The following FAM151B variants were observed in gnomAD, a reference collection of about 807,000 sequenced individuals.
FAM151B encodes the protein protein FAM151B.
FAM151B carries 24 observed loss-of-function variants against 31.2 expected under a neutral mutation model. The observed-to-expected ratio is 0.77, with a 90% CI of 0.56 to 1.08. The LOEUF (loss-of-function observed/expected upper bound fraction) is 1.08. Among genes scored for constraint, FAM151B ranks in the 50% least tolerant of loss-of-function variants. The probability of loss-of-function intolerance (pLI) is 0.00; values close to 1 mark genes in which losing one functional copy is unlikely to be tolerated. For synonymous variants in FAM151B, 105 were observed against 111.4 expected (o/e 0.94, Z 0.36); for missense variants, 293 against 328.6 (o/e 0.89, Z 0.84).
At chr5:80,531,144 C>T (rs1350921977) in intron 5 of FAM151B, among the ~76,000 whole-genome samples, 1 of 152,086 alleles carries the variant, frequency 6.6e-6, no homozygotes, top group Non-Finnish European at 1.5e-5. Flanking sequence ...GGAAAGGATT[C>T]CCTATTTAAT....
chr5:80,517,538 AG>A (rs1744510030), intron 3 of FAM151B, among the ~76,000 whole-genome samples: 3 of 149,678 alleles, frequency 2.0e-5, no homozygotes, highest in African/African-American at 7.5e-5. Context: ...TTCTTTAGTG[AG>A]GTTTTAAATT....
chr5:80,500,188 A>AT, intron 1 of FAM151B: 2 of 485,726 alleles, frequency 4.1e-6, no homozygotes, highest in Admixed American at 3.8e-5. Context: ...TATATGTGGA[A>AT]TAAAAAAAAA....
chr5:80,497,321 A>G (rs1743583389), intron 1 of FAM151B, among the ~76,000 whole-genome samples: 1 of 151,834 alleles, frequency 6.6e-6, no homozygotes, highest in East Asian at 2.0e-4. Flanking sequence ...AGGCTGAAGC[A>G]TAAGAATTGC....
At chr5:80,540,124 TACA>T (rs1745811745) in intron 5 of FAM151B, among the ~76,000 whole-genome samples, 1 of 152,120 alleles carries the variant, frequency 6.6e-6, no homozygotes, top group Non-Finnish European at 1.5e-5. Flanking sequence ...TACCAACCAT[TACA>T]ACAATACCCT....
intron 5 of FAM151B, among the ~76,000 whole-genome samples, chr5:80,532,058 TA>T (rs1283216423): frequency 1.3e-5 from 2 of 151,912 alleles, no homozygotes; most frequent in African/African-American, 2.4e-5. Flanking sequence ...TATGCACCCA[TA>T]AAAAAGGATG....
rs912393189 is a variant in FAM151B at position 80,542,086 on chromosome 5, C to A, written c.*254C>A. On this transcript the variant is annotated 3_prime_UTR_variant, in exon 6 of 6. Coordinates refer to ENST00000282226, the MANE Select transcript of FAM151B (RefSeq NM_205548.3). ...AATTCAGGAAAATGATACTCTGCAC[C>A]CCTTCATAAAAATAGTTTTGATAAA... 6 of 371,950 alleles carry A rather than the reference C, an allele frequency of 1.6e-5. No individual in the cohort carries two copies. Among genetic ancestry groups the A allele is most frequent in the African/African-American group, 1.3e-4 (6 of 47,306 alleles). 23.0% of individuals were successfully genotyped at this position (371,950 alleles called of 1,614,324 possible).
chr5:80,521,881 A>G, intron 4 of FAM151B, 122 bp from the exon 5 acceptor site: 1 of 590,386 alleles, frequency 1.7e-6, no homozygotes, highest in Non-Finnish European at 2.6e-6. Flanking sequence ...CCAAATGGAA[A>G]GTATTATGAA....
chr5:80,519,639 T>C (rs1221969465), intron 3 of FAM151B, 54 bp from the exon 4 acceptor site: 1 of 1,494,552 alleles, frequency 6.7e-7, no homozygotes, highest in East Asian at 2.3e-5. Context: ...TAAAAGAACT[T>C]CTTTTTACTT....
At chr5:80,498,713 C>T in intron 1 of FAM151B, 1 of 588,610 alleles carries the variant, frequency 1.7e-6, no homozygotes, top group Non-Finnish European at 3.2e-6. Flanking sequence ...TCTTCTTTCT[C>T]TTGTGTTTAT....
intron 5 of FAM151B, among the ~76,000 whole-genome samples, chr5:80,529,775 C>A (rs995484206): frequency 6.6e-6 from 1 of 152,122 alleles, no homozygotes; most frequent in South Asian, 2.1e-4. Flanking sequence ...AAGTCCAGGA[C>A]GAGACGGATT....
intron 2 of FAM151B, among the ~76,000 whole-genome samples, chr5:80,508,142 G>T (rs1215291863): frequency 6.6e-6 from 1 of 152,116 alleles, no homozygotes; most frequent in Non-Finnish European, 1.5e-5. Context: ...ATTTTTGTAT[G>T]TAGATATACC....
intron 5 of FAM151B, among the ~76,000 whole-genome samples, chr5:80,529,893 C>T (rs557706765): frequency 2.4e-5 from 3 of 125,574 alleles, no homozygotes; most frequent in South Asian, 4.6e-4. Context: ...TTTATGAGGC[C>T]GGCATCATCC....
At chr5:80,525,614 A>G (rs1016286205) in intron 5 of FAM151B, among the ~76,000 whole-genome samples, 1 of 152,170 alleles carries the variant, frequency 6.6e-6, no homozygotes, top group African/African-American at 2.4e-5. Flanking sequence ...TCTAGAGCCT[A>G]GGTTCATTCT....
chr5:80,514,095 A>C (rs1259378010), intron 3 of FAM151B, among the ~76,000 whole-genome samples: 1 of 152,196 alleles, frequency 6.6e-6, no homozygotes, highest in East Asian at 1.9e-4. Context: ...GAGCTAGTTA[A>C]TGCATACCCT....
chr5:80,539,770 G>A (rs945664725), intron 5 of FAM151B, among the ~76,000 whole-genome samples: 16 of 150,762 alleles, frequency 1.1e-4, no homozygotes, highest in South Asian at 6.3e-4. Context: ...GGGATTACAG[G>A]CATGAGCCAC....
chr5:80,510,652 A>G (rs1027647827), intron 2 of FAM151B: 1 of 152,236 alleles, frequency 6.6e-6, no homozygotes, highest in African/African-American at 2.4e-5. Flanking sequence ...AATTAGGTGC[A>G]ATCAAGGCTT....
chr5:80,522,989 A>C (rs1201412294), intron 5 of FAM151B, among the ~76,000 whole-genome samples: 1 of 152,206 alleles, frequency 6.6e-6, no homozygotes, highest in Non-Finnish European at 1.5e-5. Flanking sequence ...TCTTTGGAGC[A>C]AGAAGTTCAG....
At chr5:80,498,826 G>C in intron 1 of FAM151B, 1 of 433,246 alleles carries the variant, frequency 2.3e-6, no homozygotes, top group South Asian at 2.1e-5. Context: ...TAGTCAGACA[G>C]AGTACCTCCA....
At chr5:80,508,502 G>A (rs1464404320) in intron 2 of FAM151B, among the ~76,000 whole-genome samples, 1 of 151,690 alleles carries the variant, frequency 6.6e-6, no homozygotes, top group Non-Finnish European at 1.5e-5. Flanking sequence ...TCATTGTGGT[G>A]TAGATTTGCA....
Sources: allele counts gnomAD v4.1 joint callset (sites outside exome capture counted in the v4.1 genomes callset), GRCh38; gene constraint gnomAD v4.1.1; transcripts MANE v1.5; gene names NCBI Gene and HGNC (gene_info 2026-07-23, HGNC 2026-07-21).